The following STX1A variants were observed in gnomAD, a reference collection of about 807,000 sequenced individuals.
STX1A encodes syntaxin-1A.
In STX1A, 4 loss-of-function variants were observed where a neutral mutation model predicts 37.8. The observed-to-expected ratio is 0.11, with a 90% CI of 0.05 to 0.24. STX1A has a LOEUF of 0.24. STX1A is among the 10% of genes least tolerant of loss of function. The pLI, the probability that STX1A is intolerant of heterozygous loss-of-function variation, is 1.00. For synonymous variants in STX1A, 135 were observed against 147.4 expected, an observed-to-expected ratio of 0.92 and a Z score of 0.61; for missense variants, 251 against 399.9, an observed-to-expected ratio of 0.63 and a Z score of 3.18.
intron 4 of STX1A, 53 bp from the exon 5 acceptor site, chr7:73,704,476 C>G (rs1343512050): frequency 6.2e-7 from 1 of 1,604,850 alleles, no homozygotes; most frequent in East Asian, 2.2e-5. Flanking sequence ...AACCCCGTCC[C>G]CTACCCGCAC....
chr7:73,706,415 G>A lies in STX1A; in HGVS notation c.209-1191C>T, dbSNP rs1477082116. 6.6e-6 allele frequency among the ~76,000 whole-genome samples: 1 copy of A among 152,078 alleles called. No homozygotes were observed. Among genetic ancestry groups the A allele is most frequent in the East Asian group, 1.9e-4 (1 of 5,160 alleles). On this transcript the variant is annotated intron_variant, in intron 3 of 9. Transcript: ENST00000222812. The surrounding 1 kb of genome is among the most constrained non-coding windows in gnomAD (Gnocchi z 4.6). ...AGAGGAGGCAGAGCCTGCCTTGCCC[G>A]GGAGAGCCCCCCACTCATTGCCATC...
chr7:73,704,747 G>A, intron 4 of STX1A: 1 of 514,928 alleles, frequency 1.9e-6, no homozygotes, highest in Admixed American at 3.2e-5. Flanking sequence ...CATGCCCACA[G>A]CGGGGAGAGC....
intron 1 of STX1A, among the ~76,000 whole-genome samples, chr7:73,711,036 T>C (rs978125470): frequency 3.3e-5 from 5 of 152,200 alleles, no homozygotes; most frequent in African/African-American, 1.2e-4. Flanking sequence ...TCACCCAGGC[T>C]GGAGTGCAGT....
Position 73,706,573 on chromosome 7 carries a change from C to T in STX1A, c.209-1349G>A, listed in dbSNP as rs915760988. ...CAGCTCACGGGTGGTGACTCAGAAC[C>T]GGTCCCTATGACTGTGCATGACACC... On this transcript the variant is annotated intron_variant, in intron 3 of 9. Transcript: ENST00000222812. This position sits in a 1 kb window ranked among gnomAD's most constrained non-coding sequence, Gnocchi z 4.6. Among the ~76,000 whole-genome samples the T allele has an allele frequency of 2.6e-5, 4 of 152,150 alleles. No individual in the cohort carries two copies. Among genetic ancestry groups the T allele is most frequent in the African/African-American group, 4.8e-5 (2 of 41,430 alleles).
At chr7:73,712,826 C>T (rs1156650414) in intron 1 of STX1A, among the ~76,000 whole-genome samples, 2 of 152,204 alleles carry the variant, frequency 1.3e-5, no homozygotes, top group Non-Finnish European at 2.9e-5. Flanking sequence ...TCAGATCCTT[C>T]CCAGGGACCC....
chr7:73,701,084 C>T (rs1798635780), intron 8 of STX1A: 1 of 687,786 alleles, frequency 1.5e-6, no homozygotes, highest in Non-Finnish European at 2.4e-6. Flanking sequence ...GCTGGCCATG[C>T]AGTCTCAGCT....
rs1265013131 is a variant in STX1A at position 73,702,570 on chromosome 7, A to G, written c.678+275T>C. The G allele has an allele frequency of 9.4e-6, 9 of 955,566 alleles. No homozygotes were observed. In the South Asian group the frequency reaches 9.8e-5, roughly 10 times the overall value. The allele number at this position is 955,566 out of a possible 1,614,324, so 59.2% of individuals were successfully genotyped here. A position where few individuals can be genotyped will look rare whatever the true frequency, so the allele number is the denominator to read the frequency against. ...GAAATGCGTGGCCCACAGTGGCCCCATGAGGAAACAGTAGTAGGGGAATGA... is the reference window on the plus strand; with the variant it reads ...GAAATGCGTGGCCCACAGTGGCCCCGTGAGGAAACAGTAGTAGGGGAATGA... On this transcript the variant is annotated intron_variant, in intron 8 of 9. Transcript: ENST00000222812. This position sits in a 1 kb window ranked among gnomAD's most constrained non-coding sequence, Gnocchi z 4.7.
chr7:73,710,693 G>A (rs1387292416), intron 1 of STX1A, among the ~76,000 whole-genome samples: 1 of 152,224 alleles, frequency 6.6e-6, no homozygotes, highest in Non-Finnish European at 1.5e-5. Context: ...CCAAAGTACT[G>A]GGATTACAGG....
chr7:73,710,794 G>A lies in STX1A; in HGVS notation c.31-1672C>T, dbSNP rs576133938. Among the ~76,000 whole-genome samples the A allele has an allele frequency of 2.0e-4, 31 of 152,302 alleles. No individual in the cohort carries two copies. In the South Asian group the frequency reaches 2.3e-3, roughly 11 times the overall value. On this transcript the variant is annotated intron_variant, in intron 1 of 9. Coordinates refer to ENST00000222812, the MANE Select transcript of STX1A (RefSeq NM_004603.4). ...ACTAGCTCAGCACTGACCCCACCTC[G>A]GTGCTCTCGCGTCAGGACGGAGGCA...
At position 73,706,984 on chromosome 7, in the gene STX1A, C is replaced by T. The variant is rs1798897373; in HGVS notation, c.208+1605G>A. 6.6e-6 allele frequency among the ~76,000 whole-genome samples: 1 copy of T among 152,162 alleles called. No individual in the cohort carries two copies. The highest frequency in any genetic ancestry group is 2.4e-5 in the African/African-American group (1 of 41,436). On this transcript the variant is annotated intron_variant, in intron 3 of 9. Coordinates refer to ENST00000222812, the MANE Select transcript of STX1A (RefSeq NM_004603.4). This position sits in a 1 kb window ranked among gnomAD's most constrained non-coding sequence, Gnocchi z 4.6. ...GGGCACTGGCTTAGTTGGTGTGGCA[C>T]TGACCTGGGTTCATGCACACTTTGG...
At chr7:73,708,088 AC>A (rs56707045) in intron 3 of STX1A, among the ~76,000 whole-genome samples, 1,756 of 147,984 alleles carry the variant, frequency 0.012, 32 homozygotes, top group African/African-American at 0.042. Context: ...ACATGGTGAA[AC>A]CCCGTCTCTA....
Position 73,709,137 on chromosome 7 carries a change from G to A in STX1A, c.31-15C>T. ...CTGTCCTTGGCCTGTGCGGGGTTGT[G>A]CACACATAAGTGGACGTATGTACAG... On this transcript the variant is annotated splice_polypyrimidine_tract_variant and intron_variant, in intron 1 of 9. Coordinates refer to ENST00000222812, the MANE Select transcript of STX1A (RefSeq NM_004603.4). The surrounding 1 kb of genome is among the most constrained non-coding windows in gnomAD (Gnocchi z 4.2). The A allele has an allele frequency of 1.2e-6, 2 of 1,611,140 alleles. No individual in the cohort carries two copies. Among genetic ancestry groups the A allele is most frequent in the Middle Eastern group, 3.3e-4 (2 of 6,062 alleles).
rs1047111108 is a variant in STX1A at position 73,702,619 on chromosome 7, G to A, written c.678+226C>T. On this transcript the variant is annotated intron_variant, in intron 8 of 9. Coordinates refer to ENST00000222812, the MANE Select transcript of STX1A (RefSeq NM_004603.4). The surrounding 1 kb of genome is among the most constrained non-coding windows in gnomAD (Gnocchi z 4.7). ...GAGAGACGGCGGGGTATAGAGGGTG[G>A]GGCCATGCAGGGCCTGGGGTCCTTG... 27 of 1,351,676 alleles carry A rather than the reference G, an allele frequency of 2.0e-5. No homozygotes were observed. The highest frequency in any genetic ancestry group is 2.6e-5 in the Non-Finnish European group (27 of 1,022,448). 83.7% of individuals were successfully genotyped at this position (1,351,676 alleles called of 1,614,324 possible).
chr7:73,703,615 C>T, intron 7 of STX1A, 140 bp downstream of exon 7: 1 of 1,015,304 alleles, frequency 9.8e-7, no homozygotes, highest in Non-Finnish European at 1.5e-6. Context: ...GTGTTTTCCC[C>T]TCTCTGGGAC....
chr7:73,712,069 G>T (rs1799122546), intron 1 of STX1A, among the ~76,000 whole-genome samples: 1 of 152,042 alleles, frequency 6.6e-6, no homozygotes, highest in African/African-American at 2.4e-5. Flanking sequence ...GGGAGATCAG[G>T]GCCAGGGTAG....
Position 73,706,888 on chromosome 7 carries a change from C to G in STX1A, c.209-1664G>C, listed in dbSNP as rs1554617093. On this transcript the variant is annotated intron_variant, in intron 3 of 9. Coordinates refer to ENST00000222812, the MANE Select transcript of STX1A (RefSeq NM_004603.4). The surrounding 1 kb of genome is among the most constrained non-coding windows in gnomAD (Gnocchi z 4.6). ...TCAGCGTGGTGAGCCCTGGGCGTCC[C>G]TCTCTCCCTCCTGCCCTTCCTGAGG... 6.6e-6 allele frequency among the ~76,000 whole-genome samples: 1 copy of G among 152,212 alleles called. No homozygotes were observed. Among genetic ancestry groups the G allele is most frequent in the East Asian group, 1.9e-4 (1 of 5,184 alleles).
At chr7:73,701,200 A>C in intron 8 of STX1A, 1 of 537,408 alleles carries the variant, frequency 1.9e-6, no homozygotes, top group Non-Finnish European at 3.3e-6. Flanking sequence ...TGCCCTGGCC[A>C]TAGCTCCTGA....
In STX1A at chr7:73,705,067, C is replaced by T. The variant is rs1798821413; in HGVS notation, c.283+83G>A. 7.4e-7 allele frequency: 1 copy of T among 1,355,058 alleles called. No homozygotes were observed. Among genetic ancestry groups the T allele is most frequent in the Non-Finnish European group, 1.1e-6 (1 of 945,442 alleles). 83.9% of individuals were successfully genotyped at this position (1,355,058 alleles called of 1,614,324 possible). ...GAAAGCAAGATCCGGCGCACCCCCT[C>T]AGGGCGAGCAAAACCCCATGGGCTC... On this transcript the variant is annotated intron_variant, in intron 4 of 9. Transcript: ENST00000222812. The surrounding 1 kb of genome is among the most constrained non-coding windows in gnomAD (Gnocchi z 5.2).
rs1374867600 is a variant in STX1A at position 73,706,390 on chromosome 7, AGAG to A, written c.209-1169_209-1167del. ...TAGCCCAGGCCGGATGGCAGCCCCC[AGAG>A]GAGGCAGAGCCTGCCTTGCCCGGGA... On this transcript the variant is annotated intron_variant, in intron 3 of 9. Coordinates refer to ENST00000222812, the MANE Select transcript of STX1A (RefSeq NM_004603.4). This position sits in a 1 kb window ranked among gnomAD's most constrained non-coding sequence, Gnocchi z 4.6. Among the ~76,000 whole-genome samples, 1 of 152,164 alleles carries A rather than the reference AGAG, an allele frequency of 6.6e-6. No individual in the cohort carries two copies. The highest frequency in any genetic ancestry group is 1.9e-4 in the East Asian group (1 of 5,162).
Sources: gnomAD v4.1 joint callset for allele counts (sites outside exome capture counted in the v4.1 genomes callset) on GRCh38, gnomAD v4.1.1 for gene constraint, Gnocchi (gnomAD v3.1) non-coding constraint, MANE v1.5 for transcripts, NCBI Gene and HGNC (gene_info 2026-07-23, HGNC 2026-07-21) for gene names.